The following MARCHF1 variants were observed in gnomAD, a reference collection of about 807,000 sequenced individuals.
MARCHF1 encodes membrane associated ring-CH-type finger 1, also known as E3 ubiquitin-protein ligase MARCHF1.
MARCHF1 carries 40 observed loss-of-function variants against 54.2 expected under a neutral mutation model. That is an observed-to-expected ratio of 0.74 (90% CI 0.57 to 0.96). The LOEUF is 0.96. MARCHF1 is among the 40% of genes least tolerant of loss of function. MARCHF1 has a pLI of 0.00. For missense variants in MARCHF1, 586 were observed against 656.5 expected, an observed-to-expected ratio of 0.89 and a Z score of 1.17; for synonymous variants, 236 against 236.3, an observed-to-expected ratio of 1.00 and a Z score of 0.01.
chr4:163,627,375 C>T (rs1741908144), intron 5 of MARCHF1, among the ~76,000 whole-genome samples: 1 of 152,134 alleles, frequency 6.6e-6, no homozygotes, highest in Admixed American at 6.6e-5. Flanking sequence ...ATGTCTAAAC[C>T]TTTCTTCGAT....
At chr4:163,862,050 T>C (rs1241007380) in intron 3 of MARCHF1, among the ~76,000 whole-genome samples, 1 of 152,038 alleles carries the variant, frequency 6.6e-6, no homozygotes, top group East Asian at 1.9e-4. Context: ...CTTATACTTT[T>C]CACAAAAATT....
At chr4:163,548,316 C>T (rs1345099668) in intron 8 of MARCHF1, among the ~76,000 whole-genome samples, 1 of 152,126 alleles carries the variant, frequency 6.6e-6, no homozygotes, top group Non-Finnish European at 1.5e-5. Context: ...AGAATACTTG[C>T]AGTAACGAAA....
At chr4:163,569,145 C>A (rs959464583) in intron 8 of MARCHF1, among the ~76,000 whole-genome samples, 1 of 152,074 alleles carries the variant, frequency 6.6e-6, no homozygotes, top group South Asian at 2.1e-4. Context: ...AATCTGTGTA[C>A]ACGGTCTTTT....
At chr4:164,025,649 T>C (rs1753751663) in intron 2 of MARCHF1, among the ~76,000 whole-genome samples, 1 of 151,506 alleles carries the variant, frequency 6.6e-6, no homozygotes, top group African/African-American at 2.4e-5. Flanking sequence ...AATCTAACTT[T>C]GCATGTCGAG....
At chr4:163,755,786 C>A (rs1394430448) in intron 4 of MARCHF1, among the ~76,000 whole-genome samples, 1 of 152,076 alleles carries the variant, frequency 6.6e-6, no homozygotes, top group Non-Finnish European at 1.5e-5. Flanking sequence ...GAAAACTGAG[C>A]AAGCTCAATA....
At chr4:164,211,280 A>G (rs796565639) in intron 1 of MARCHF1, among the ~76,000 whole-genome samples, 19 of 20,330 alleles carry the variant, frequency 9.3e-4, no homozygotes, top group African/African-American at 2.4e-3. Flanking sequence ...ATCTTTATGT[A>G]TATATATATA....
rs1015849597 is a variant in MARCHF1 at position 163,526,067 on chromosome 4, CTATAT to C, written c.*2676_*2680del. On this transcript the variant is annotated 3_prime_UTR_variant, in exon 10 of 10. Coordinates refer to ENST00000514618, the MANE Select transcript of MARCHF1 (RefSeq NM_001394959.1). ...TGTTGACTTTTAACCTGCCAGGAAGCTATATTATATTATTTTCTCATTTCAACAAT... is the reference window on the plus strand; with the variant it reads ...TGTTGACTTTTAACCTGCCAGGAAGCTATATTATTTTCTCATTTCAACAAT... 4.6e-5 allele frequency: 7 copies of C among 152,102 alleles called. No homozygotes were observed. The highest frequency in any genetic ancestry group is 2.1e-4 in the South Asian group (1 of 4,816). 9.4% of individuals were successfully genotyped at this position (152,102 alleles called of 1,614,324 possible).
chr4:163,733,199 A>ACACACG (rs1366717938), intron 4 of MARCHF1, among the ~76,000 whole-genome samples: 1 of 39,882 alleles, frequency 2.5e-5, no homozygotes, highest in Non-Finnish European at 5.4e-5. Flanking sequence ...ATATATATAT[A>ACACACG]TATATATATA....
chr4:163,813,996 G>A (rs1006470834), intron 4 of MARCHF1, among the ~76,000 whole-genome samples: 1 of 152,144 alleles, frequency 6.6e-6, no homozygotes, highest in Non-Finnish European at 1.5e-5. Flanking sequence ...AGAATCCAGG[G>A]CTCAGGTCAT....
intron 1 of MARCHF1, among the ~76,000 whole-genome samples, chr4:164,176,970 CTCTCTCTCTCT>C (rs1730693832): frequency 7.9e-4 from 45 of 57,302 alleles, no homozygotes; most frequent in Middle Eastern, 7.4e-3. Context: ...CTCTCTCTCT[CTCTCTCTCTCT>C]ATATATATAT....
intron 4 of MARCHF1, among the ~76,000 whole-genome samples, chr4:163,833,397 C>A (rs1204023722): frequency 6.6e-6 from 1 of 152,062 alleles, no homozygotes; most frequent in East Asian, 1.9e-4. Flanking sequence ...AGCTTCTGCA[C>A]AGCAAAAGAA....
At chr4:164,021,434 A>G (rs1753662277) in intron 2 of MARCHF1, among the ~76,000 whole-genome samples, 1 of 152,058 alleles carries the variant, frequency 6.6e-6, no homozygotes, top group Non-Finnish European at 1.5e-5. Flanking sequence ...AACCCCATAA[A>G]TACTTATTTA....
intron 1 of MARCHF1, among the ~76,000 whole-genome samples, chr4:164,327,516 G>A (rs1243206946): frequency 6.6e-6 from 1 of 151,958 alleles, no homozygotes; most frequent in African/African-American, 2.4e-5. Flanking sequence ...AGGAAAGAGA[G>A]GAAAAAAATA....
At chr4:163,790,803 C>T (rs1402522937) in intron 4 of MARCHF1, among the ~76,000 whole-genome samples, 5 of 152,018 alleles carry the variant, frequency 3.3e-5, no homozygotes, top group African/African-American at 1.2e-4. Flanking sequence ...GCTACATGCC[C>T]AGCAGTGGCA....
At chr4:163,903,009 C>T (rs576407060) in intron 3 of MARCHF1, among the ~76,000 whole-genome samples, 19 of 152,272 alleles carry the variant, frequency 1.2e-4, no homozygotes, top group African/African-American at 4.1e-4. Flanking sequence ...CTTTCCTTCA[C>T]ACTCTCCAGA....
chr4:163,894,390 A>G (rs919274862), intron 3 of MARCHF1, among the ~76,000 whole-genome samples: 1 of 152,002 alleles, frequency 6.6e-6, no homozygotes, highest in South Asian at 2.1e-4. Context: ...CAATATGCTT[A>G]ATACAAAGCT....
intron 7 of MARCHF1, among the ~76,000 whole-genome samples, chr4:163,607,261 A>C (rs1001064952): frequency 2.0e-5 from 3 of 152,078 alleles, no homozygotes; most frequent in Non-Finnish European, 4.4e-5. Context: ...GTGGGCTAAA[A>C]AGTGGATGTG....
chr4:164,198,785 T>C (rs755855482), intron 1 of MARCHF1, among the ~76,000 whole-genome samples: 1 of 152,226 alleles, frequency 6.6e-6, no homozygotes, highest in Non-Finnish European at 1.5e-5. Context: ...TCATTTCATC[T>C]TGTCTCATAC....
chr4:163,858,463 G>C (rs1749830618), intron 3 of MARCHF1, among the ~76,000 whole-genome samples: 1 of 152,052 alleles, frequency 6.6e-6, no homozygotes, highest in Non-Finnish European at 1.5e-5. Flanking sequence ...GCATAGAACT[G>C]AGAAAGTGCC....
Sources: allele counts gnomAD v4.1 joint callset (sites outside exome capture counted in the v4.1 genomes callset), GRCh38; gene constraint gnomAD v4.1.1; transcripts MANE v1.5; gene names NCBI Gene and HGNC (gene_info 2026-07-23, HGNC 2026-07-21).